Variants in ANKRD44 observed in about 807,000 individuals in gnomAD.
The protein encoded by ANKRD44 is serine/threonine-protein phosphatase 6 regulatory ankyrin repeat subunit B.
Under a neutral mutation model 116.0 loss-of-function variants are expected in ANKRD44, and 35 were observed. The observed-to-expected ratio is 0.30, with a 90% confidence interval of 0.23 to 0.40. The LOEUF is 0.40. ANKRD44 is among the 10% of genes least tolerant of loss of function. The pLI is 1.00. For synonymous variants in ANKRD44, 435 were observed against 461.8 expected (o/e 0.94, Z 0.74); for missense variants, 1,014 against 1,242.6 (o/e 0.82, Z 2.77).
intron 1 of ANKRD44, among the ~76,000 whole-genome samples, chr2:197,272,753 C>G (rs2082937206): frequency 6.6e-6 from 1 of 152,088 alleles, no homozygotes; most frequent in Admixed American, 6.6e-5. Flanking sequence ...ATCTATGAAC[C>G]AGGAATTGGA....
intron 21 of ANKRD44, among the ~76,000 whole-genome samples, chr2:196,970,229 T>C (rs765540159): frequency 1.3e-5 from 2 of 152,210 alleles, no homozygotes; most frequent in Non-Finnish European, 2.9e-5. Context: ...CAGTCAGCCT[T>C]CAACCATGGT....
chr2:197,063,572 G>A lies in ANKRD44; in HGVS notation c.1650+15131C>T, dbSNP rs1006121903. ...AACCTTGAAAAAAGATTAGACGAAC[G>A]GCTAACTGGAAAAACCAGTGTAGAG... On this transcript the variant is annotated intron_variant, in intron 16 of 27. Transcript: ENST00000282272. 5.9e-5 allele frequency among the ~76,000 whole-genome samples: 9 copies of A among 152,230 alleles called. No individual in the cohort carries two copies. In the East Asian group the frequency reaches 7.7e-4, roughly 13 times the overall value.
At chr2:197,305,977 ATATATATATATATATG>A (rs2084060660) in intron 1 of ANKRD44, among the ~76,000 whole-genome samples, 2 of 145,034 alleles carry the variant, frequency 1.4e-5, no homozygotes, top group African/African-American at 5.2e-5. Flanking sequence ...TTATATATAT[ATATATATATATATATG>A]AAAAAAATCA....
intron 17 of ANKRD44, chr2:197,015,885 T>G: frequency 3.9e-6 from 2 of 511,178 alleles, no homozygotes; most frequent in Non-Finnish European, 7.5e-6. Flanking sequence ...CTGGAAATTA[T>G]AGTGGGCGAC....
intron 4 of ANKRD44, among the ~76,000 whole-genome samples, chr2:197,129,479 A>G (rs2079051066): frequency 6.6e-6 from 1 of 152,080 alleles, no homozygotes; most frequent in Non-Finnish European, 1.5e-5. Flanking sequence ...GGATTCTGGT[A>G]TTTCCCCCAA....
intron 1 of ANKRD44, among the ~76,000 whole-genome samples, chr2:197,252,649 C>T (rs1476551069): frequency 2.0e-5 from 3 of 152,102 alleles, no homozygotes; most frequent in Admixed American, 6.5e-5. Context: ...CCTCATGATC[C>T]GCCCACCTCA....
Position 197,005,741 on chromosome 2 carries a change from AAAC to A in ANKRD44, c.2297_2299del (p.Cys766del), listed in dbSNP as rs1298465962. 3.7e-6 allele frequency: 6 copies of A among 1,614,166 alleles called. No homozygotes were observed. Among genetic ancestry groups the A allele is most frequent in the Non-Finnish European group, 4.2e-6 (5 of 1,180,016 alleles). On this transcript the variant is annotated inframe_deletion, in exon 21 of 28. Transcript: ENST00000282272. ...CGGCGTGTAGCCTTGGTTATCTTTGAAACAACAGTCCTCCTCAGAAAGAGCCAT... is the reference window on the plus strand; with the variant it reads ...CGGCGTGTAGCCTTGGTTATCTTTGAAACAGTCCTCCTCAGAAAGAGCCAT...
At chr2:197,202,323 T>C (rs551311141) in intron 1 of ANKRD44, among the ~76,000 whole-genome samples, 1 of 152,002 alleles carries the variant, frequency 6.6e-6, no homozygotes, top group East Asian at 1.9e-4. Context: ...GGCAGAAACC[T>C]CTGTTTTCTT....
At chr2:197,274,820 T>C (rs961291948) in intron 1 of ANKRD44, among the ~76,000 whole-genome samples, 10 of 152,252 alleles carry the variant, frequency 6.6e-5, no homozygotes, top group East Asian at 3.9e-4. Flanking sequence ...CAGTCTGGCA[T>C]GGTGGCTTAC....
chr2:197,237,433 C>G (rs1217783116), intron 1 of ANKRD44, among the ~76,000 whole-genome samples: 1 of 152,220 alleles, frequency 6.6e-6, no homozygotes, highest in Non-Finnish European at 1.5e-5. Flanking sequence ...CGCCAACCCT[C>G]TTGCTTTTAA....
chr2:197,267,784 G>T (rs1462534387), intron 1 of ANKRD44, among the ~76,000 whole-genome samples: 1 of 152,162 alleles, frequency 6.6e-6, no homozygotes. Context: ...CTGTCTCTCC[G>T]TGCTGACTGT....
chr2:197,006,227 G>T (rs1160878825), intron 20 of ANKRD44, among the ~76,000 whole-genome samples: 1 of 152,150 alleles, frequency 6.6e-6, no homozygotes, highest in East Asian at 1.9e-4. Flanking sequence ...AGGATCACTA[G>T]GTCAGGAGAT....
chr2:197,037,761 G>A (rs1286273785), intron 16 of ANKRD44, among the ~76,000 whole-genome samples: 1 of 152,102 alleles, frequency 6.6e-6, no homozygotes, highest in African/African-American at 2.4e-5. Flanking sequence ...AACATAGTGA[G>A]AACCTGTCTC....
intron 3 of ANKRD44, among the ~76,000 whole-genome samples, chr2:197,137,139 C>T (rs2079238664): frequency 6.6e-6 from 1 of 152,294 alleles, no homozygotes; most frequent in Middle Eastern, 3.4e-3. Flanking sequence ...GATCACCAGC[C>T]CACCAAGTCC....
intron 21 of ANKRD44, among the ~76,000 whole-genome samples, chr2:196,979,402 AAAAAG>A (rs1275372387): frequency 6.6e-6 from 1 of 150,410 alleles, no homozygotes; most frequent in African/African-American, 2.4e-5. Context: ...AAAAAAAAAA[AAAAAG>A]AATGAATAGC....
intron 16 of ANKRD44, among the ~76,000 whole-genome samples, chr2:197,063,567 C>T (rs192029714): frequency 7.9e-5 from 12 of 152,210 alleles, no homozygotes; most frequent in African/African-American, 2.2e-4. Context: ...AAAGATTAGA[C>T]GAACGGCTAA....
chr2:197,001,787 T>C lies in ANKRD44; in HGVS notation c.2401A>G (p.Ile801Val). The C allele has an allele frequency of 1.2e-6, 2 of 1,613,732 alleles. No homozygotes were observed. Among genetic ancestry groups the C allele is most frequent in the Non-Finnish European group, 1.7e-6 (2 of 1,179,732 alleles). Residue 801 changes from isoleucine to valine, a missense_variant, in exon 22 of 28, where the codon ATC becomes GTC. Transcript: ENST00000282272. ...TGCAGTGGAGTAAAGGGATTACCGA[T>C]AAATTTGCGAAAACATTTTTGCTCC... ...LLEQKCFRKF[I>V]GNPFTPLHCA... is the part of the protein sequence containing the mutation.
At chr2:197,259,384 A>G (rs1317274126) in intron 1 of ANKRD44, among the ~76,000 whole-genome samples, 1 of 152,224 alleles carries the variant, frequency 6.6e-6, no homozygotes. Context: ...TGTAAACCTA[A>G]GAAACAAAAA....
chr2:197,015,583 G>A (rs2076376087), intron 17 of ANKRD44: 2 of 530,096 alleles, frequency 3.8e-6, no homozygotes, highest in Admixed American at 5.4e-5. Context: ...TGGAGATGGA[G>A]GAAGTAATTT....
Sources: gnomAD v4.1 joint callset for allele counts (sites outside exome capture counted in the v4.1 genomes callset) on GRCh38, gnomAD v4.1.1 for gene constraint, MANE v1.5 for transcripts, NCBI Gene and HGNC (gene_info 2026-07-23, HGNC 2026-07-21) for gene names.